Variants in CNTNAP2 observed in about 807,000 individuals in gnomAD.
CNTNAP2 encodes contactin-associated protein-like 2.
In CNTNAP2, 98 loss-of-function variants were observed where a neutral mutation model predicts 155.2. That is an observed-to-expected ratio of 0.63 (90% confidence interval 0.54 to 0.75). CNTNAP2 has a LOEUF of 0.75. CNTNAP2 is among the 30% of genes least tolerant of loss of function. The pLI is 0.00. For synonymous variants in CNTNAP2, 651 were observed against 631.2 expected, an observed-to-expected ratio of 1.03 and a Z score of -0.47; for missense variants, 1,727 against 1,688.1, an observed-to-expected ratio of 1.02 and a Z score of -0.40.
At chr7:146,550,292 A>C (rs1160173890) in intron 1 of CNTNAP2, among the ~76,000 whole-genome samples, 1 of 151,842 alleles carries the variant, frequency 6.6e-6, no homozygotes, top group Non-Finnish European at 1.5e-5. Context: ...CCGGTGACCA[A>C]ACTCAACTCA....
chr7:148,165,985 T>C (rs1291508289), intron 17 of CNTNAP2, among the ~76,000 whole-genome samples: 2 of 152,056 alleles, frequency 1.3e-5, no homozygotes, highest in African/African-American at 2.4e-5. Flanking sequence ...TGCAGGATGG[T>C]ACCCCCTTAC....
chr7:148,128,990 T>C (rs1217473685), intron 16 of CNTNAP2, among the ~76,000 whole-genome samples: 1 of 152,126 alleles, frequency 6.6e-6, no homozygotes. Context: ...GGAAGGATCT[T>C]CCATTTGAAG....
chr7:147,502,078 A>G (rs1488464099), intron 11 of CNTNAP2, among the ~76,000 whole-genome samples: 7 of 152,220 alleles, frequency 4.6e-5, no homozygotes, highest in Non-Finnish European at 8.8e-5. Context: ...AGACGACACA[A>G]ATAGATGGAA....
intron 8 of CNTNAP2, among the ~76,000 whole-genome samples, chr7:147,212,224 C>A (rs1424776361): frequency 6.6e-6 from 1 of 152,050 alleles, no homozygotes; most frequent in Non-Finnish European, 1.5e-5. Context: ...TTATCCAGCA[C>A]AACAATCCCA....
At chr7:146,787,591 A>G (rs975601801) in intron 2 of CNTNAP2, among the ~76,000 whole-genome samples, 2 of 152,266 alleles carry the variant, frequency 1.3e-5, no homozygotes, top group East Asian at 3.9e-4. Flanking sequence ...TGCCGCACGG[A>G]CACAAAGAGT....
intron 1 of CNTNAP2, among the ~76,000 whole-genome samples, chr7:146,301,114 C>T (rs1451007846): frequency 6.6e-6 from 1 of 152,026 alleles, no homozygotes; most frequent in African/African-American, 2.4e-5. Context: ...ACCCAACATT[C>T]CAGGTCAACA....
At chr7:146,846,603 C>T (rs1427205678) in intron 3 of CNTNAP2, among the ~76,000 whole-genome samples, 1 of 152,070 alleles carries the variant, frequency 6.6e-6, no homozygotes. Context: ...TCTAAATACA[C>T]ATTTGTATGG....
chr7:147,137,869 ATACG>A (rs1801515214), intron 8 of CNTNAP2, among the ~76,000 whole-genome samples: 1 of 134,648 alleles, frequency 7.4e-6, no homozygotes, highest in Non-Finnish European at 1.6e-5. Flanking sequence ...AAATAGATAG[ATACG>A]TAGATAGATA....
chr7:147,398,589 C>CTTTTTT (rs58507416), intron 10 of CNTNAP2, among the ~76,000 whole-genome samples: 9 of 87,728 alleles, frequency 1.0e-4, no homozygotes, highest in Admixed American at 1.4e-4. Flanking sequence ...ACGATTTGAA[C>CTTTTTT]TTTTTTTTTT....
intron 21 of CNTNAP2, among the ~76,000 whole-genome samples, chr7:148,277,593 C>CCCA (rs1554410991): frequency 2.7e-5 from 4 of 148,596 alleles, no homozygotes; most frequent in African/African-American, 5.0e-5. Context: ...AGGACCGCCC[C>CCCA]CCACCACCAC....
Position 147,903,602 on chromosome 7 carries a change from C to A in CNTNAP2, c.2136C>A (p.Asn712Lys), listed in dbSNP as rs187552025. 11 of 1,614,008 alleles carry A rather than the reference C, an allele frequency of 6.8e-6. No homozygotes were observed. Among genetic ancestry groups the A allele is most frequent in the African/African-American group, 5.3e-5 (4 of 74,912 alleles). Reference protein sequence around the residue: ...SPYTWWVGKANEKHYYWGGSG... With the variant: ...SPYTWWVGKAKEKHYYWGGSG... ...ACACTTGGTGGGTTGGCAAAGCCAA[C>A]GAGAAGCACTACTACTGGGGAGGCT... The change falls in exon 14 of 24, where the codon AAC (asparagine) becomes AAA (lysine). Residue 712 changes from asparagine (N) to lysine (K), a missense_variant. Physicochemically the swap from Asn to Lys is moderately conservative, Grantham distance 94. Coordinates refer to ENST00000361727, the MANE Select transcript of CNTNAP2 (RefSeq NM_014141.6).
chr7:147,200,949 C>A (rs1255237165), intron 8 of CNTNAP2, among the ~76,000 whole-genome samples: 1 of 152,124 alleles, frequency 6.6e-6, no homozygotes, highest in Non-Finnish European at 1.5e-5. Context: ...GAAGTATTTT[C>A]AACTGAGGGT....
intron 12 of CNTNAP2, among the ~76,000 whole-genome samples, chr7:147,603,339 T>C (rs1372224552): frequency 2.0e-5 from 3 of 152,180 alleles, no homozygotes; most frequent in African/African-American, 7.2e-5. Context: ...GGTTGTTTGT[T>C]TTTTTCTTGT....
chr7:148,157,006 G>T (rs574443941), intron 17 of CNTNAP2, among the ~76,000 whole-genome samples: 146 of 152,274 alleles, frequency 9.6e-4, no homozygotes, highest in African/African-American at 3.2e-3. Flanking sequence ...AATCAAATGG[G>T]AACGCTTCAG....
chr7:146,386,086 C>T lies in CNTNAP2; in HGVS notation c.97+269113C>T, dbSNP rs746544276. 3.3e-5 allele frequency among the ~76,000 whole-genome samples: 5 copies of T among 152,236 alleles called. No individual in the cohort carries two copies. In the South Asian group the frequency reaches 8.3e-4, roughly 25 times the overall value. Reference sequence around the variant, plus strand: ...CAACTTGCTGTCCTGCTCCCTGGGTCAATAGCTTTCACTTTCTTAGCTGTT... The same window carrying T: ...CAACTTGCTGTCCTGCTCCCTGGGTTAATAGCTTTCACTTTCTTAGCTGTT... On this transcript the variant is annotated intron_variant, in intron 1 of 23. Transcript: ENST00000361727.
At chr7:146,460,280 G>A (rs1347820565) in intron 1 of CNTNAP2, among the ~76,000 whole-genome samples, 2 of 152,144 alleles carry the variant, frequency 1.3e-5, no homozygotes, top group Non-Finnish European at 2.9e-5. Flanking sequence ...CTTATTAAGT[G>A]TTAACAAGCA....
At chr7:148,331,717 G>GGACA in intron 21 of CNTNAP2, among the ~76,000 whole-genome samples, 1 of 60,350 alleles carries the variant, frequency 1.7e-5, no homozygotes, top group East Asian at 4.9e-4. Flanking sequence ...TGGAGTGGAC[G>GGACA]GATGGATTGG....
intron 20 of CNTNAP2, among the ~76,000 whole-genome samples, chr7:148,243,690 A>G (rs1275271013): frequency 1.3e-5 from 2 of 152,088 alleles, no homozygotes; most frequent in East Asian, 1.9e-4. Flanking sequence ...ACTTCCCACC[A>G]GGTCTCTCCC....
intron 13 of CNTNAP2, among the ~76,000 whole-genome samples, chr7:147,698,302 C>A (rs962595929): frequency 6.6e-6 from 1 of 152,166 alleles, no homozygotes; most frequent in Non-Finnish European, 1.5e-5. Context: ...CTTTATTTAA[C>A]AACTGGTTTG....
Sources: gnomAD v4.1 joint callset for allele counts (sites outside exome capture counted in the v4.1 genomes callset) on GRCh38, gnomAD v4.1.1 for gene constraint, MANE v1.5 for transcripts, NCBI Gene and HGNC (gene_info 2026-07-23, HGNC 2026-07-21) for gene names.